Variants in TMIGD3 observed in about 807,000 individuals in gnomAD.
TMIGD3 encodes AD026 protein (AD026).
In TMIGD3, 21 loss-of-function variants were observed where a neutral mutation model predicts 28.1. The ratio of observed to expected loss-of-function variants is 0.75; its 90% CI spans 0.53 to 1.08. TMIGD3 has a LOEUF of 1.08. Among genes scored for constraint, TMIGD3 ranks in the 50% least tolerant of loss-of-function variants. The pLI is 0.00. For missense variants in TMIGD3, 416 were observed against 435.6 expected (o/e 0.96, Z 0.40); for synonymous variants, 151 against 162.1 (o/e 0.93, Z 0.52).
intron 1 of TMIGD3, among the ~76,000 whole-genome samples, chr1:111,550,108 T>C (rs888936055): frequency 3.9e-5 from 6 of 152,232 alleles, no homozygotes; most frequent in Non-Finnish European, 8.8e-5. Flanking sequence ...TAAAATTTGT[T>C]GTCATGCAAT....
rs544739970 is a variant in TMIGD3 at position 111,492,541 on chromosome 1, C to T, written c.351-1779G>A. On this transcript the variant is annotated intron_variant, in intron 1 of 5. Transcript: ENST00000369716. Reference sequence around the variant, plus strand: ...ACATGAAAAAGTGTCTCTAGCCAGGCACGGTGGCTCACGCCTGTAATCCCA... The same window carrying T: ...ACATGAAAAAGTGTCTCTAGCCAGGTACGGTGGCTCACGCCTGTAATCCCA... Among the ~76,000 whole-genome samples, 170 of 152,140 alleles carry T rather than the reference C, an allele frequency of 1.1e-3. 2 individuals are homozygous for T. Among genetic ancestry groups the T allele is most frequent in the Admixed American group, 5.5e-3 (84 of 15,286 alleles).
At chr1:111,489,778 T>A in intron 2 of TMIGD3, 1 of 1,010,208 alleles carries the variant, frequency 9.9e-7, no homozygotes, top group Non-Finnish European at 1.2e-6. Context: ...GGAAGTCATG[T>A]TCTGTCTTTA....
At chr1:111,508,248 G>A (rs901878050), upstream of TMIGD3, among the ~76,000 whole-genome samples, 6 of 152,216 alleles carry the variant, frequency 3.9e-5, no homozygotes, top group African/African-American at 1.2e-4. Flanking sequence ...GAAAGAGAAG[G>A]GTTCAGCTAA....
At chr1:111,515,624 A>G (rs1026840236) in intron 1 of TMIGD3, among the ~76,000 whole-genome samples, 5 of 152,156 alleles carry the variant, frequency 3.3e-5, no homozygotes, top group Non-Finnish European at 7.4e-5. Context: ...CGCTCCCCTG[A>G]GCCTGGGAAG....
chr1:111,503,871 G>C, upstream of TMIGD3: 2 of 993,444 alleles, frequency 2.0e-6, no homozygotes, highest in Non-Finnish European at 2.4e-6. Flanking sequence ...GGGTATCAGA[G>C]TTCATTCATT....
chr1:111,538,001 A>G (rs1656696574), intron 1 of TMIGD3, among the ~76,000 whole-genome samples: 1 of 152,152 alleles, frequency 6.6e-6, no homozygotes, highest in African/African-American at 2.4e-5. Context: ...ATACTTAAGC[A>G]TTTAGGATAT....
intron 5 of TMIGD3, 28 bp downstream of exon 5, chr1:111,485,712 A>T: frequency 5.1e-6 from 3 of 583,412 alleles, no homozygotes; most frequent in Non-Finnish European, 6.3e-6. Context: ...ATTCTTGCCC[A>T]CCCCCTCCCT....
chr1:111,495,004 T>C (rs1467037011), intron 1 of TMIGD3, among the ~76,000 whole-genome samples: 4 of 152,192 alleles, frequency 2.6e-5, no homozygotes. Flanking sequence ...CTCAGATGGA[T>C]TAAAGATTTA....
intron 1 of TMIGD3, among the ~76,000 whole-genome samples, chr1:111,535,398 C>A (rs887572286): frequency 6.6e-6 from 1 of 152,208 alleles, no homozygotes; most frequent in African/African-American, 2.4e-5. Flanking sequence ...CCATTTCAGG[C>A]ACCATCTGAT....
At chr1:111,513,053 G>A (rs1240036019) in intron 1 of TMIGD3, among the ~76,000 whole-genome samples, 1 of 152,162 alleles carries the variant, frequency 6.6e-6, no homozygotes, top group East Asian at 1.9e-4. Context: ...GGCTGCCCCA[G>A]GTCTGACAGT....
At chr1:111,491,633 T>C (rs1409647319) in intron 1 of TMIGD3, among the ~76,000 whole-genome samples, 2 of 152,340 alleles carry the variant, frequency 1.3e-5, no homozygotes, top group Non-Finnish European at 2.9e-5. Context: ...TTCATGATGG[T>C]AGGTTTTTAT....
intron 1 of TMIGD3, among the ~76,000 whole-genome samples, chr1:111,534,793 G>C (rs1453838841): frequency 6.6e-6 from 1 of 152,094 alleles, no homozygotes; most frequent in Non-Finnish European, 1.5e-5. Flanking sequence ...ATGTGCATAT[G>C]TGTGAGTGTG....
intron 2 of TMIGD3, 40 bp from the exon 3 acceptor site, chr1:111,489,064 C>G (rs376255738): frequency 6.6e-7 from 1 of 1,526,326 alleles, no homozygotes; most frequent in Admixed American, 1.7e-5. Flanking sequence ...TGCACACACA[C>G]ACACCATTGT....
chr1:111,526,011 G>A (rs937661564), intron 1 of TMIGD3, among the ~76,000 whole-genome samples: 1 of 151,596 alleles, frequency 6.6e-6, no homozygotes, highest in African/African-American at 2.4e-5. Flanking sequence ...CTATCATCTG[G>A]CCATTTTTTT....
upstream of TMIGD3, among the ~76,000 whole-genome samples, chr1:111,504,591 C>G (rs1315362417): frequency 2.0e-5 from 3 of 152,254 alleles, no homozygotes; most frequent in African/African-American, 7.2e-5. Context: ...CAAGAAGGAA[C>G]ACTTGGACCC....
chr1:111,500,178 C>T, intron 1 of TMIGD3: 12 of 1,614,156 alleles, frequency 7.4e-6, no homozygotes, highest in Non-Finnish European at 1.0e-5. Flanking sequence ...ATAAAGGCAG[C>T]CATGACAGAG....
At chr1:111,550,614 T>A (rs768657045) in intron 1 of TMIGD3, among the ~76,000 whole-genome samples, 2 of 152,236 alleles carry the variant, frequency 1.3e-5, no homozygotes, top group Non-Finnish European at 2.9e-5. Flanking sequence ...AGAGTTTCTT[T>A]GTTTAATTTC....
upstream of TMIGD3, among the ~76,000 whole-genome samples, chr1:111,508,601 G>A (rs907651662): frequency 6.6e-6 from 1 of 152,178 alleles, no homozygotes; most frequent in African/African-American, 2.4e-5. Flanking sequence ...AATATTCCTG[G>A]GCAGTACCAA....
chr1:111,492,608 G>T (rs1172152354), intron 1 of TMIGD3, among the ~76,000 whole-genome samples: 1 of 152,118 alleles, frequency 6.6e-6, no homozygotes, highest in Non-Finnish European at 1.5e-5. Context: ...GAGGTCAGGA[G>T]TTCGAGACCA....
Sources: gnomAD v4.1 joint callset for allele counts (sites outside exome capture counted in the v4.1 genomes callset) on GRCh38, gnomAD v4.1.1 for gene constraint, MANE v1.5 for transcripts, NCBI Gene and HGNC (gene_info 2026-07-23, HGNC 2026-07-21) for gene names.